The following C6orf118 variants were observed in gnomAD, a reference collection of about 807,000 sequenced individuals.
C6orf118 encodes the protein uncharacterized protein C6orf118.
C6orf118 carries 50 observed loss-of-function variants against 50.2 expected under a neutral mutation model. The ratio of observed to expected loss-of-function variants is 1.00; its 90% CI spans 0.79 to 1.26. The LOEUF (loss-of-function observed/expected upper bound fraction) is 1.26. Ranked by LOEUF, C6orf118 falls within the 50% of genes most tolerant of loss-of-function variation. The pLI, the probability that C6orf118 is intolerant of heterozygous loss-of-function variation, is 0.00. For synonymous variants in C6orf118, 239 were observed against 230.9 expected (o/e 1.03, Z -0.32); for missense variants, 641 against 578.7 (o/e 1.11, Z -1.10).
intron 5 of C6orf118, among the ~76,000 whole-genome samples, chr6:165,297,539 C>T (rs527432392): frequency 1.3e-5 from 2 of 151,996 alleles, no homozygotes; most frequent in South Asian, 2.1e-4. Context: ...TTGGATGTTG[C>T]AGATTTCCTT....
chr6:165,302,639 T>C (rs562455566), intron 1 of C6orf118, among the ~76,000 whole-genome samples: 1 of 152,340 alleles, frequency 6.6e-6, no homozygotes, highest in South Asian at 2.1e-4. Flanking sequence ...TTAATTATAA[T>C]TCTTAATGAT....
At chr6:165,288,125 T>G (rs971460364) in intron 7 of C6orf118, among the ~76,000 whole-genome samples, 30 of 152,244 alleles carry the variant, frequency 2.0e-4, no homozygotes, top group African/African-American at 5.8e-4. Context: ...GCAAAGGACA[T>G]GAACAGACAC....
chr6:165,308,799 A>G (rs1780838338), intron 1 of C6orf118, among the ~76,000 whole-genome samples: 2 of 152,150 alleles, frequency 1.3e-5, no homozygotes, highest in Admixed American at 6.5e-5. Context: ...TGCCTCCAAG[A>G]CCACGCTCTC....
chr6:165,285,589 C>T (rs527281310), intron 7 of C6orf118, among the ~76,000 whole-genome samples: 1 of 151,992 alleles, frequency 6.6e-6, no homozygotes, highest in African/African-American at 2.4e-5. Context: ...GTCTCCCAGA[C>T]CACATGCAAT....
At chr6:165,299,303 T>C (rs1780426420) in intron 4 of C6orf118, 140 bp downstream of exon 4, 1 of 639,624 alleles carries the variant, frequency 1.6e-6, no homozygotes, top group Admixed American at 2.9e-5. Flanking sequence ...AAAACTCATC[T>C]ATAACAAAGA....
intron 7 of C6orf118, among the ~76,000 whole-genome samples, chr6:165,284,452 C>T (rs1306071950): frequency 6.6e-6 from 1 of 152,130 alleles, no homozygotes; most frequent in East Asian, 1.9e-4. Flanking sequence ...GGCCAACATT[C>T]AAATACAGGA....
chr6:165,299,185 A>G (rs1391664760), intron 4 of C6orf118, among the ~76,000 whole-genome samples: 1 of 152,232 alleles, frequency 6.6e-6, no homozygotes, highest in African/African-American at 2.4e-5. Context: ...AGAACCATTT[A>G]TATTCCCAAT....
At position 165,292,015 on chromosome 6, in the gene C6orf118, G is replaced by C. The variant is rs75449964; in HGVS notation, c.1120+1398C>G. ...TTTGAAATTTGGGGAAATTAAGTAG[G>C]CACATGATGAGCTAGCTGAGGGGAT... On this transcript the variant is annotated intron_variant, in intron 6 of 8. Coordinates refer to ENST00000230301, the MANE Select transcript of C6orf118 (RefSeq NM_144980.4). 4.6e-5 allele frequency among the ~76,000 whole-genome samples: 7 copies of C among 152,234 alleles called. No homozygotes were observed. In the East Asian group the frequency reaches 5.8e-4, roughly 13 times the overall value.
At position 165,297,009 on chromosome 6, in the gene C6orf118, A is replaced by T. The variant is rs201768489; in HGVS notation, c.1061+968T>A. Among the ~76,000 whole-genome samples the T allele has an allele frequency of 1.7e-4, 26 of 152,288 alleles. No individual in the cohort carries two copies. The East Asian group carries it at 3.9e-3, about 23-fold the overall frequency. ...GTCAGACACTTGGACATTAAGCCTG[A>T]AGGCCAGGATGAAGACACATCCCAT... On this transcript the variant is annotated intron_variant, in intron 5 of 8. Coordinates refer to ENST00000230301, the MANE Select transcript of C6orf118 (RefSeq NM_144980.4).
intron 7 of C6orf118, among the ~76,000 whole-genome samples, chr6:165,285,990 G>GTT (rs200172358): frequency 6.6e-6 from 1 of 150,844 alleles, no homozygotes; most frequent in Non-Finnish European, 1.5e-5. Context: ...CTAGGAGATG[G>GTT]TTTTTTTGAA....
At chr6:165,307,933 C>T (rs73788332) in intron 1 of C6orf118, among the ~76,000 whole-genome samples, 3,457 of 152,306 alleles carry the variant, frequency 0.023, 121 homozygotes, top group African/African-American at 0.079. Flanking sequence ...AGAATCTTTT[C>T]AGACTCCACT....
At position 165,279,750 on chromosome 6, in the gene C6orf118, G is replaced by A. The variant is rs748276054; in HGVS notation, c.*307C>T. The A allele has an allele frequency of 3.6e-5, 9 of 249,874 alleles. No individual in the cohort carries two copies. The highest frequency in any genetic ancestry group is 1.3e-3 in the Middle Eastern group (1 of 786). The allele number at this position is 249,874 out of a possible 1,614,324, so 15.5% of individuals were successfully genotyped here. On this transcript the variant is annotated 3_prime_UTR_variant, in exon 9 of 9. Transcript: ENST00000230301. ...CAAATTTGAGCTGTATTCAAGCAGC[G>A]CTGAATTCCTTATTCTTAGCAAATA...
At chr6:165,294,780 G>C (rs1449112273) in intron 5 of C6orf118, among the ~76,000 whole-genome samples, 1 of 152,122 alleles carries the variant, frequency 6.6e-6, no homozygotes, top group East Asian at 1.9e-4. Context: ...CTACTTGGGA[G>C]GCTGAAGTAG....
At position 165,301,793 on chromosome 6, in the gene C6orf118, GTTC is replaced by G; in HGVS notation, c.526_528del (p.Glu176del). On this transcript the variant is annotated inframe_deletion, in exon 2 of 9. Transcript: ENST00000230301. ...AGCACCTTCAAGTCGGGCAGCCGGA[GTTC>G]TTCCCTCCTGCGCCATCCAGGAGGG... 6.2e-7 allele frequency: 1 copy of G among 1,614,060 alleles called. No homozygotes were observed. Among genetic ancestry groups the G allele is most frequent in the African/African-American group, 1.3e-5 (1 of 75,040 alleles).
At position 165,301,935 on chromosome 6, in the gene C6orf118, G is replaced by C. The variant is rs751191315; in HGVS notation, c.387C>G (p.Phe129Leu). The change falls in exon 2 of 9, where the codon TTC becomes TTG. Residue 129 changes from phenylalanine to leucine, a missense_variant. By Grantham distance (22) the Phe-to-Leu change is conservative. Coordinates refer to ENST00000230301, the MANE Select transcript of C6orf118 (RefSeq NM_144980.4). ...GAGAGGCCTGGGGGTTCAGGTACCT[G>C]AACAGCGGGGTGTCCTGGGCCTCAC... ...VPSEAQDTPLFRYLNPQASLS... is the reference protein window; with the variant it reads ...VPSEAQDTPLLRYLNPQASLS... 6.2e-7 allele frequency: 1 copy of C among 1,613,896 alleles called. No individual in the cohort carries two copies. Among genetic ancestry groups the C allele is most frequent in the Non-Finnish European group, 8.5e-7 (1 of 1,180,006 alleles).
At chr6:165,293,521 T>C (rs750138991) in intron 5 of C6orf118, 50 bp from the exon 6 acceptor site, 3 of 1,481,230 alleles carry the variant, frequency 2.0e-6, no homozygotes, top group Non-Finnish European at 2.8e-6. Flanking sequence ...CCATTATATC[T>C]TTTGTCTTTT....
intron 6 of C6orf118, 35 bp from the exon 7 acceptor site, chr6:165,290,102 TTTAATATCTCAGTTATTA>T (rs1780057897): frequency 7.6e-7 from 1 of 1,316,192 alleles, no homozygotes; most frequent in Non-Finnish European, 1.1e-6. Context: ...TATTACCATG[TTTAATATCTCAGTTATTA>T]TTAATAGCAT....
Position 165,300,911 on chromosome 6 carries a change from C to T in C6orf118, c.754-425G>A, listed in dbSNP as rs181338332. ...TCTGAGTCGGCAGCCTACCGTAGAT[C>T]TTCTGTACACATGTGCTGCCTGGGC... On this transcript the variant is annotated intron_variant, in intron 2 of 8. Coordinates refer to ENST00000230301, the MANE Select transcript of C6orf118 (RefSeq NM_144980.4). 7.2e-3 allele frequency among the ~76,000 whole-genome samples: 1,093 copies of T among 152,068 alleles called. 8 individuals carry two copies. Among genetic ancestry groups the T allele is most frequent in the Middle Eastern group, 0.017 (5 of 294 alleles).
rs56394079 is a variant in C6orf118, at chr6:165,296,250, G to GTTTTTTTTTTTTTTTTTTTT, written c.1061+1707_1061+1726dup. Reference sequence around the variant, plus strand: ...GTTGTTGTTGTTGTTTTCGTTTTTTGTTTTTTTTTTTTTTTTTTTTTTTTT... The same window carrying GTTTTTTTTTTTTTTTTTTTT: ...GTTGTTGTTGTTGTTTTCGTTTTTTGTTTTTTTTTTTTTTTTTTTTTTTTTTTTTTTTTTTTTTTTTTTTT... On this transcript the variant is annotated intron_variant, in intron 5 of 8. Coordinates refer to ENST00000230301, the MANE Select transcript of C6orf118 (RefSeq NM_144980.4). 4.0e-4 allele frequency among the ~76,000 whole-genome samples: 41 copies of GTTTTTTTTTTTTTTTTTTTT among 103,374 alleles called. 5 individuals are homozygous for GTTTTTTTTTTTTTTTTTTTT. The highest frequency in any genetic ancestry group is 7.6e-4 in the East Asian group (2 of 2,626). The allele number at this position is 103,374 out of a possible 152,430, so 67.8% of individuals were successfully genotyped here.
Sources: gnomAD v4.1 joint callset for allele counts (sites outside exome capture counted in the v4.1 genomes callset) on GRCh38, gnomAD v4.1.1 for gene constraint, MANE v1.5 for transcripts, NCBI Gene and HGNC (gene_info 2026-07-23, HGNC 2026-07-21) for gene names.